The following CARMIL3 variants were observed in gnomAD, a reference collection of about 807,000 sequenced individuals.
CARMIL3 encodes the protein capping protein regulator and myosin 1 linker 3, also known as capping protein, Arp2/3 and myosin-I linker protein 3.
CARMIL3 carries 88 observed loss-of-function variants against 180.8 expected under a neutral mutation model. The observed-to-expected ratio is 0.49, with a 90% CI of 0.41 to 0.58. The LOEUF (loss-of-function observed/expected upper bound fraction) is 0.58. CARMIL3 is among the 20% of genes least tolerant of loss of function. The probability of loss-of-function intolerance (pLI) is 0.00; values close to 1 mark genes in which losing one functional copy is unlikely to be tolerated. For synonymous variants in CARMIL3, 696 were observed against 714.5 expected, an observed-to-expected ratio of 0.97 and a Z score of 0.41; for missense variants, 1,548 against 1,787.0, an observed-to-expected ratio of 0.87 and a Z score of 2.41.
Position 24,063,516 on chromosome 14 carries a change from G to C in CARMIL3, c.2962G>C (p.Gly988Arg), listed in dbSNP as rs757544270. ...CCGCCCCCCCAGGACCACACCTCCA[G>C]GACCTGGTCGACCCAGTGTGAGTCC... ...RPRPPRTTPP[G>R]PGRPSMPAPG... Residue 988 changes from glycine (G) to arginine (R), a missense_variant, in exon 31 of 40, where the codon GGA (glycine) becomes CGA (arginine). Gly to Arg is a moderately radical substitution (Grantham distance 125, BLOSUM62 -2). Around this residue, in one of 4 missense-constraint regions of CARMIL3, gnomAD observed 668 missense variants for 687.8 expected, o/e 0.97. Transcript: ENST00000342740. The C allele has an allele frequency of 1.2e-6, 2 of 1,611,928 alleles. No individual in the cohort carries two copies. The highest frequency in any genetic ancestry group is 3.3e-5 in the Admixed American group (2 of 59,872).
chr14:24,058,171 C>T lies in CARMIL3; in HGVS notation c.1339C>T (p.Leu447Phe), dbSNP rs1480239369. The T allele has an allele frequency of 1.2e-6, 2 of 1,613,860 alleles. No homozygotes were observed. The highest frequency in any genetic ancestry group is 1.7e-6 in the Non-Finnish European group (2 of 1,180,006). Residue 447 changes from leucine to phenylalanine, a missense_variant, in exon 17 of 40, where the codon CTC (leucine) becomes TTC (phenylalanine). Around this residue, in one of 4 missense-constraint regions of CARMIL3, gnomAD observed 578 missense variants for 666.5 expected, o/e 0.87. Coordinates refer to ENST00000342740, the MANE Select transcript of CARMIL3 (RefSeq NM_138360.4). This position sits in a 1 kb window ranked among gnomAD's most constrained non-coding sequence, Gnocchi z 6.4. The stretch of plus-strand genomic sequence containing the variant: ...CTCCCACAGGGCGCTGCTTCAGGGC[C>T]TCTCCCTCAACAGTCACCTCAGTGA... Reference protein sequence around the residue: ...LEALRALLQGLSLNSHLSDLH... With the variant: ...LEALRALLQGFSLNSHLSDLH...
At chr14:24,068,024 C>T (rs1296791874) in intron 36 of CARMIL3, among the ~76,000 whole-genome samples, 3 of 152,270 alleles carry the variant, frequency 2.0e-5, no homozygotes, top group Non-Finnish European at 4.4e-5. Context: ...GCAAGAGGGA[C>T]AGCTAGGCCA....
In CARMIL3 at chr14:24,059,816, T is replaced by C; in HGVS notation, c.1868+84T>C. On this transcript the variant is annotated intron_variant, in intron 22 of 39. Coordinates refer to ENST00000342740, the MANE Select transcript of CARMIL3 (RefSeq NM_138360.4). The surrounding 1 kb of genome is among the most constrained non-coding windows in gnomAD (Gnocchi z 6.3). ...GGCCTGAACTACTCTTGCCCCACCCTAGCCCCTTTGACCTATTTGCACAGA... is the reference window on the plus strand; with the variant it reads ...GGCCTGAACTACTCTTGCCCCACCCCAGCCCCTTTGACCTATTTGCACAGA... The C allele has an allele frequency of 1.3e-6, 2 of 1,548,922 alleles. No homozygotes were observed. Among genetic ancestry groups the C allele is most frequent in the Non-Finnish European group, 8.9e-7 (1 of 1,122,622 alleles).
Position 24,052,051 on chromosome 14 carries a change from G to A in CARMIL3, c.-103G>A. Reference sequence around the variant, plus strand: ...CGGAGCGGGCTCGGCCGCTGCTGCAGCGCTCAGCGCCCGGGCCCTGCTGAA... The same window carrying A: ...CGGAGCGGGCTCGGCCGCTGCTGCAACGCTCAGCGCCCGGGCCCTGCTGAA... On this transcript the variant is annotated 5_prime_UTR_variant, in exon 1 of 40. Coordinates refer to ENST00000342740, the MANE Select transcript of CARMIL3 (RefSeq NM_138360.4). 1.6e-6 allele frequency: 2 copies of A among 1,221,730 alleles called. No homozygotes were observed. The highest frequency in any genetic ancestry group is 1.1e-6 in the Non-Finnish European group (1 of 927,158). The allele number at this position is 1,221,730 out of a possible 1,614,324, so 75.7% of individuals were successfully genotyped here. A position where few individuals can be genotyped will look rare whatever the true frequency, so the allele number is the denominator to read the frequency against.
intron 27 of CARMIL3, chr14:24,062,091 T>C (rs1480321401): frequency 2.9e-6 from 1 of 339,800 alleles, no homozygotes; most frequent in South Asian, 4.0e-5. Context: ...CTAGTACACA[T>C]ACCTATGAAA....
intron 1 of CARMIL3, 34 bp from the exon 2 acceptor site, chr14:24,053,675 G>A: frequency 6.4e-7 from 1 of 1,560,680 alleles, no homozygotes; most frequent in Non-Finnish European, 8.7e-7. Flanking sequence ...CCAGGGTAAG[G>A]TGAAGCTCTG....
In CARMIL3 at chr14:24,056,609, C is replaced by T. The variant is rs779022044; in HGVS notation, c.866-13C>T. The stretch of plus-strand genomic sequence containing the variant: ...TGCCCCTCACTGGGCCCGTTTCTCT[C>T]TCCACTCCCCAGGTTTTCTCAGTCT... On this transcript the variant is annotated splice_polypyrimidine_tract_variant and intron_variant, in intron 11 of 39. Transcript: ENST00000342740. 4 of 1,613,692 alleles carry T rather than the reference C, an allele frequency of 2.5e-6. No homozygotes were observed. The highest frequency in any genetic ancestry group is 3.4e-6 in the Non-Finnish European group (4 of 1,179,890).
intron 8 of CARMIL3, 54 bp downstream of exon 8, chr14:24,055,364 C>T (rs72692150): frequency 0.016 from 25,368 of 1,590,946 alleles, 284 homozygotes; most frequent in African/African-American, 0.05. Flanking sequence ...CAGCCCAACC[C>T]CAGCCCTTCC....
intron 36 of CARMIL3, among the ~76,000 whole-genome samples, chr14:24,067,294 C>T (rs532243954): frequency 2.6e-5 from 4 of 152,370 alleles, no homozygotes; most frequent in East Asian, 1.9e-4. Context: ...GAGCACCTTC[C>T]GCTTAGGGAG....
chr14:24,064,264 C>T lies in CARMIL3; in HGVS notation c.2998C>T (p.Arg1000Cys), dbSNP rs146530398. The stretch of plus-strand genomic sequence containing the variant: ...CCAGCAGATGCCAGCACCTGGGACT[C>T]GTCAGGAGAATGGGATGGCCACCCG... Reference protein sequence around the residue: ...GRPSMPAPGTRQENGMATRLD... With the variant: ...GRPSMPAPGTCQENGMATRLD... The change falls in exon 32 of 40, where the codon CGT becomes TGT. Residue 1000 changes from arginine to cysteine, a missense_variant. This residue lies in a region of CARMIL3 where 668 missense variants were observed against 687.8 expected (regional missense o/e 0.97). Coordinates refer to ENST00000342740, the MANE Select transcript of CARMIL3 (RefSeq NM_138360.4). 9.0e-5 allele frequency: 145 copies of T among 1,612,258 alleles called. No homozygotes were observed. In the African/African-American group the frequency reaches 1.2e-3, roughly 14 times the overall value.
Position 24,058,978 on chromosome 14 carries a change from C to A in CARMIL3, c.1563C>A (p.Val521=). The change falls in exon 19 of 40, where the codon GTC becomes GTA. Residue 521 remains valine (V), a synonymous_variant. Transcript: ENST00000342740. This position sits in a 1 kb window ranked among gnomAD's most constrained non-coding sequence, Gnocchi z 6.4. Reference sequence around the variant, plus strand: ...TGTTTTTGGGCAAGAACTTCAATGTCAAGGCCAAGTGAGGCCCCCTTTCCA... The same window carrying A: ...TGTTTTTGGGCAAGAACTTCAATGTAAAGGCCAAGTGAGGCCCCCTTTCCA... ...KHLFLGKNFN[V]KAKTLEEILH... is the part of the protein sequence containing the mutation. 1 of 1,614,144 alleles carries A rather than the reference C, an allele frequency of 6.2e-7. No homozygotes were observed. The highest frequency in any genetic ancestry group is 8.5e-7 in the Non-Finnish European group (1 of 1,180,028).
intron 1 of CARMIL3, 143 bp downstream of exon 1, chr14:24,052,336 G>A (rs1476995559): frequency 1.2e-6 from 1 of 800,904 alleles, no homozygotes; most frequent in Non-Finnish European, 1.8e-6. Context: ...CTGCATTCCA[G>A]TCCGGGCATC....
In CARMIL3 at chr14:24,057,880, G is replaced by A; in HGVS notation, c.1217+1G>A. On this transcript the variant is annotated splice_donor_variant, in intron 15 of 39. Coordinates refer to ENST00000342740, the MANE Select transcript of CARMIL3 (RefSeq NM_138360.4). LOFTEE classifies it high-confidence loss of function. Reference sequence around the variant, plus strand: ...TGGCTCGCAACAGCTGCTCCCACAGGTGGGAGAGGAGGGGGAAGGGAGGAC... The same window carrying A: ...TGGCTCGCAACAGCTGCTCCCACAGATGGGAGAGGAGGGGGAAGGGAGGAC... The A allele has an allele frequency of 6.2e-7, 1 of 1,613,062 alleles. No homozygotes were observed. The highest frequency in any genetic ancestry group is 8.5e-7 in the Non-Finnish European group (1 of 1,179,952).
In CARMIL3 at chr14:24,060,684, C is replaced by T; in HGVS notation, c.2118C>T (p.Cys706=). 8.7e-6 allele frequency: 14 copies of T among 1,613,144 alleles called. No homozygotes were observed. The highest frequency in any genetic ancestry group is 1.2e-5 in the Non-Finnish European group (14 of 1,179,264). Residue 706 remains cysteine, a synonymous_variant, in exon 25 of 40, where the codon TGC becomes TGT. Transcript: ENST00000342740. ...AGGAGGTGCGGGCCCTGAGACTATGCCCCCTGGAGCCTGTGCAGGATGAGC... is the reference window on the plus strand; with the variant it reads ...AGGAGGTGCGGGCCCTGAGACTATGTCCCCTGGAGCCTGTGCAGGATGAGC... ...VQEEVRALRL[C]PLEPVQDELL...
At position 24,063,462 on chromosome 14, in the gene CARMIL3, A is replaced by G. The variant is rs2035753759; in HGVS notation, c.2908A>G (p.Lys970Glu). ...ATCTGAGCTGCCCACTCATGGTTAC[A>G]AACTAAGGCATCAAACACAAGGGAG... ...GLSELPTHGY[K>E]LRHQTQGRPR... Residue 970 changes from lysine to glutamate, a missense_variant, in exon 31 of 40, where the codon AAA becomes GAA. This residue lies in a region of CARMIL3 where 668 missense variants were observed against 687.8 expected (regional missense o/e 0.97). Coordinates refer to ENST00000342740, the MANE Select transcript of CARMIL3 (RefSeq NM_138360.4). 1 of 1,613,722 alleles carries G rather than the reference A, an allele frequency of 6.2e-7. No homozygotes were observed. The highest frequency in any genetic ancestry group is 1.7e-5 in the Admixed American group (1 of 59,996).
At position 24,058,030 on chromosome 14, in the gene CARMIL3, C is replaced by G. The variant is rs1594549231; in HGVS notation, c.1288C>G (p.Leu430Val). 1 of 1,613,896 alleles carries G rather than the reference C, an allele frequency of 6.2e-7. No individual in the cohort carries two copies. The highest frequency in any genetic ancestry group is 8.5e-7 in the Non-Finnish European group (1 of 1,180,032). Residue 430 changes from leucine to valine, a missense_variant, in exon 16 of 40, where the codon CTG becomes GTG. By Grantham distance (32) the Leu-to-Val change is conservative (BLOSUM62 1). This residue lies in a region of CARMIL3 where 578 missense variants were observed against 666.5 expected (regional missense o/e 0.87). Coordinates refer to ENST00000342740, the MANE Select transcript of CARMIL3 (RefSeq NM_138360.4). The surrounding 1 kb of genome is among the most constrained non-coding windows in gnomAD (Gnocchi z 6.4). ...CGCCTACACACTGAGCCACGTCAAT[C>G]TGTCGGCCACAAAGCTGCCCCTGGA... ...SSAYTLSHVN[L>V]SATKLPLEAL... is the part of the protein sequence containing the mutation.
In CARMIL3 at chr14:24,063,176, C is replaced by T; in HGVS notation, c.2763C>T (p.Ala921=). The part of the protein sequence containing the change: ...KRCRKIRPVS[A]FISGSPQDME... ...GCCGCAAGATTCGGCCGGTGTCTGC[C>T]TTCATCAGTGAGTCTCCCAGCCTCC... Residue 921 remains alanine, a synonymous_variant, in exon 30 of 40, where the codon GCC becomes GCT. Transcript: ENST00000342740. The T allele has an allele frequency of 6.2e-7, 1 of 1,612,898 alleles. No homozygotes were observed. Among genetic ancestry groups the T allele is most frequent in the Non-Finnish European group, 8.5e-7 (1 of 1,178,944 alleles).
Position 24,059,219 on chromosome 14 carries a change from C to T in CARMIL3, c.1626+30C>T. The T allele has an allele frequency of 6.2e-7, 1 of 1,613,742 alleles. No homozygotes were observed. Among genetic ancestry groups the T allele is most frequent in the Non-Finnish European group, 8.5e-7 (1 of 1,179,928 alleles). The stretch of plus-strand genomic sequence containing the variant: ...GTGCCTGGGCCTGGGAGGGGACCTG[C>T]AGTCGGAGGAGGCTGTGGGGACTGG... On this transcript the variant is annotated intron_variant, in intron 20 of 39. Coordinates refer to ENST00000342740, the MANE Select transcript of CARMIL3 (RefSeq NM_138360.4). The surrounding 1 kb of genome is among the most constrained non-coding windows in gnomAD (Gnocchi z 6.3).
In CARMIL3 at chr14:24,052,171, G is replaced by A. The variant is rs1279218038; in HGVS notation, c.18G>A (p.Val6=). MAKPS[V]ELTRELQDSI... is the part of the protein sequence containing the mutation. ...CGGCCGCCATGGCCAAGCCCAGCGT[G>A]GAGCTCACCCGCGAGTTGCAAGGTA... is the stretch of plus-strand genomic sequence containing the variant. Residue 6 remains valine (V), a synonymous_variant, in exon 1 of 40, where the codon GTG becomes GTA. Coordinates refer to ENST00000342740, the MANE Select transcript of CARMIL3 (RefSeq NM_138360.4). 6.3e-7 allele frequency: 1 copy of A among 1,592,460 alleles called. No individual in the cohort carries two copies. The highest frequency in any genetic ancestry group is 8.5e-7 in the Non-Finnish European group (1 of 1,173,864).
Sources: allele counts gnomAD v4.1 joint callset (sites outside exome capture counted in the v4.1 genomes callset), GRCh38; gene constraint gnomAD v4.1.1; regional missense constraint gnomAD v4.1.1; non-coding constraint Gnocchi (gnomAD v3.1); transcripts MANE v1.5; gene names NCBI Gene and HGNC (gene_info 2026-07-23, HGNC 2026-07-21).